Variants in COP1 observed in about 807,000 individuals in gnomAD.
COP1 encodes the protein COP1 E3 ubiquitin ligase.
Under a neutral mutation model 101.3 loss-of-function variants are expected in COP1, and 24 were observed. The observed-to-expected ratio is 0.24, with a 90% confidence interval of 0.17 to 0.33. The LOEUF (loss-of-function observed/expected upper bound fraction) is 0.33, where lower values mean the gene tolerates loss of function less well. Among genes scored for constraint, COP1 ranks in the 10% least tolerant of loss-of-function variants. COP1 has a pLI of 1.00. For synonymous variants in COP1, 347 were observed against 341.9 expected (o/e 1.01, Z -0.17); for missense variants, 663 against 906.2 (o/e 0.73, Z 3.45).
At chr1:176,039,213 A>G (rs1290634500) in intron 14 of COP1, among the ~76,000 whole-genome samples, 1 of 152,220 alleles carries the variant, frequency 6.6e-6, no homozygotes, top group Non-Finnish European at 1.5e-5. Flanking sequence ...AGTAACACAT[A>G]CATCAAAAAA....
At chr1:176,163,638 G>A (rs1694676296) in intron 4 of COP1, among the ~76,000 whole-genome samples, 177 bp downstream of exon 4, 1 of 152,164 alleles carries the variant, frequency 6.6e-6, no homozygotes, top group South Asian at 2.1e-4. Flanking sequence ...GATCACTCTA[G>A]TAAAGTACTA....
At chr1:176,105,176 G>A (rs1277871548) in intron 9 of COP1, among the ~76,000 whole-genome samples, 1 of 152,100 alleles carries the variant, frequency 6.6e-6, no homozygotes, top group Non-Finnish European at 1.5e-5. Flanking sequence ...AGGGAAATTG[G>A]TAGAAAAGCT....
At chr1:176,089,396 A>G (rs1158047348) in intron 9 of COP1, among the ~76,000 whole-genome samples, 1 of 152,244 alleles carries the variant, frequency 6.6e-6, no homozygotes, top group East Asian at 1.9e-4. Flanking sequence ...TGATATATTC[A>G]TTAGAAGAAC....
intron 3 of COP1, among the ~76,000 whole-genome samples, chr1:176,165,149 T>A (rs1399330412): frequency 6.6e-6 from 1 of 152,176 alleles, no homozygotes; most frequent in African/African-American, 2.4e-5. Context: ...GACAGATGCA[T>A]ATGATACAGT....
At chr1:176,178,987 T>A (rs1291371614) in intron 2 of COP1, among the ~76,000 whole-genome samples, 1 of 150,022 alleles carries the variant, frequency 6.7e-6, no homozygotes, top group East Asian at 2.0e-4. Flanking sequence ...TTTTTTTAGT[T>A]TTTTTTTTTA....
chr1:176,136,608 C>T (rs185653089), intron 6 of COP1, 61 bp from the exon 7 acceptor site: 2 of 1,054,692 alleles, frequency 1.9e-6, no homozygotes, highest in Non-Finnish European at 2.8e-6. Context: ...ACCAAAATGG[C>T]ATCACCATGA....
At chr1:176,198,708 T>C (rs1014235004) in intron 1 of COP1, among the ~76,000 whole-genome samples, 2 of 151,864 alleles carry the variant, frequency 1.3e-5, no homozygotes, top group African/African-American at 4.8e-5. Context: ...AATACCACAA[T>C]ACACAGGTCT....
At chr1:176,046,639 A>G (rs1557995924) in intron 11 of COP1, among the ~76,000 whole-genome samples, 2 of 152,124 alleles carry the variant, frequency 1.3e-5, no homozygotes, top group African/African-American at 4.8e-5. Flanking sequence ...TAATGGCGTG[A>G]ATCATTTGAT....
chr1:176,048,385 A>G (rs1421669660), intron 11 of COP1, among the ~76,000 whole-genome samples: 2 of 152,030 alleles, frequency 1.3e-5, no homozygotes, highest in Non-Finnish European at 2.9e-5. Flanking sequence ...TGACTAGGGC[A>G]CAATTCAGCA....
chr1:175,953,661 G>C (rs533192028), intron 18 of COP1, among the ~76,000 whole-genome samples: 1 of 151,326 alleles, frequency 6.6e-6, no homozygotes, highest in Non-Finnish European at 1.5e-5. Context: ...AACATTAATC[G>C]TAAGAAAGCT....
At chr1:175,958,586 C>T (rs1351362632) in intron 18 of COP1, among the ~76,000 whole-genome samples, 2 of 152,068 alleles carry the variant, frequency 1.3e-5, no homozygotes, top group Admixed American at 6.5e-5. Context: ...AACTATTAAA[C>T]AAAATCAGAA....
intron 15 of COP1, among the ~76,000 whole-genome samples, chr1:175,999,414 C>T (rs1005583514): frequency 6.6e-6 from 1 of 151,972 alleles, no homozygotes; most frequent in African/African-American, 2.4e-5. Context: ...CAGTTCCATC[C>T]ATGTTGTTGC....
chr1:176,206,498 G>C, intron 1 of COP1, 74 bp downstream of exon 1: 2 of 1,518,672 alleles, frequency 1.3e-6, no homozygotes, highest in Admixed American at 1.8e-5. Flanking sequence ...CCCCACACCA[G>C]ACCCCCCGCC....
chr1:176,072,801 G>C (rs912120762), intron 11 of COP1, among the ~76,000 whole-genome samples: 42 of 152,110 alleles, frequency 2.8e-4, no homozygotes, highest in Non-Finnish European at 8.8e-5. Context: ...AATTTGAATA[G>C]TTTCAAACTA....
intron 18 of COP1, among the ~76,000 whole-genome samples, chr1:175,961,104 A>G (rs549857633): frequency 8.5e-5 from 13 of 152,304 alleles, no homozygotes; most frequent in East Asian, 3.9e-4. Context: ...ACTTGCATCA[A>G]TGGGCCCTCA....
intron 9 of COP1, among the ~76,000 whole-genome samples, chr1:176,086,960 C>G (rs951045303): frequency 2.0e-5 from 3 of 152,164 alleles, no homozygotes; most frequent in Non-Finnish European, 4.4e-5. Context: ...CACCACACAG[C>G]TACAACCATT....
At position 176,112,184 on chromosome 1, in the gene COP1, C is replaced by T. The variant is rs142865467; in HGVS notation, c.1026+4440G>A. ...TGCACTATCTCAAACCAAAAGTCTC[C>T]TTCACCACATAAAAGTAAGTGCTAC... On this transcript the variant is annotated intron_variant, in intron 9 of 19. Transcript: ENST00000367669. 3.3e-3 allele frequency among the ~76,000 whole-genome samples: 500 copies of T among 150,928 alleles called. 13 individuals carry two copies. The East Asian group carries it at 0.043, about 13-fold the overall frequency.
intron 11 of COP1, among the ~76,000 whole-genome samples, chr1:176,059,633 C>A (rs4265393): frequency 0.058 from 8,850 of 152,128 alleles, 373 homozygotes; most frequent in Middle Eastern, 0.12. Context: ...TAGGTGCACA[C>A]CACCACACCT....
chr1:176,088,968 C>G (rs1321732904), intron 9 of COP1, among the ~76,000 whole-genome samples: 2 of 141,208 alleles, frequency 1.4e-5, no homozygotes, highest in African/African-American at 5.2e-5. Context: ...GCACTCCAGC[C>G]TGGGCAACAA....
Sources: gnomAD v4.1 joint callset for allele counts (sites outside exome capture counted in the v4.1 genomes callset) on GRCh38, gnomAD v4.1.1 for gene constraint, MANE v1.5 for transcripts, NCBI Gene and HGNC (gene_info 2026-07-23, HGNC 2026-07-21) for gene names.